Variants in TRIM33 observed in about 807,000 individuals in gnomAD.
TRIM33 encodes tripartite motif containing 33, also known as E3 ubiquitin-protein ligase TRIM33.
TRIM33 carries 20 observed loss-of-function variants against 125.4 expected under a neutral mutation model. The observed-to-expected ratio is 0.16, with a 90% CI of 0.11 to 0.23. The LOEUF (loss-of-function observed/expected upper bound fraction) is 0.23. Ranked by LOEUF, TRIM33 falls within the 10% of genes least tolerant of loss-of-function variation. The pLI, the probability that TRIM33 is intolerant of heterozygous loss-of-function variation, is 1.00. For synonymous variants in TRIM33, 564 were observed against 513.9 expected (o/e 1.10, Z -1.32); for missense variants, 920 against 1,411.4 (o/e 0.65, Z 5.58).
At position 114,509,280 on chromosome 1, in the gene TRIM33, C is replaced by A. The variant is rs373126149; in HGVS notation, c.526+1271G>T. On this transcript the variant is annotated intron_variant, in intron 1 of 19. Transcript: ENST00000358465. ...AGCTCCACAATCGCTTACCTACAGT[C>A]CCGAAATTCAAAAGCTTTGAAATTT... Among the ~76,000 whole-genome samples, 91 of 152,320 alleles carry A rather than the reference C, an allele frequency of 6.0e-4. 2 individuals carry two copies. In the South Asian group the frequency reaches 0.018, roughly 30 times the overall value.
chr1:114,419,373 T>C (rs1053649199), intron 11 of TRIM33, among the ~76,000 whole-genome samples: 4 of 152,210 alleles, frequency 2.6e-5, no homozygotes, highest in South Asian at 2.1e-4. Context: ...TCTCCGTGAA[T>C]TGATTTTGTT....
chr1:114,495,090 T>C (rs550947225), intron 1 of TRIM33, among the ~76,000 whole-genome samples: 1 of 152,146 alleles, frequency 6.6e-6, no homozygotes, highest in African/African-American at 2.4e-5. Flanking sequence ...ATTTTTGTAT[T>C]TTTAGGTAGA....
intron 1 of TRIM33, among the ~76,000 whole-genome samples, chr1:114,509,368 A>G (rs532957177): frequency 2.6e-5 from 4 of 152,318 alleles, no homozygotes; most frequent in South Asian, 4.1e-4. Context: ...TTTATCGTCT[A>G]TCCCATTAGC....
intron 5 of TRIM33, among the ~76,000 whole-genome samples, chr1:114,431,617 G>A (rs539166977): frequency 1.8e-4 from 27 of 152,254 alleles, no homozygotes; most frequent in South Asian, 1.0e-3. Flanking sequence ...AAATGTCAAC[G>A]ACCAACCATA....
chr1:114,401,453 C>T lies in TRIM33; in HGVS notation c.2903G>A (p.Arg968His). The T allele has an allele frequency of 6.2e-7, 1 of 1,611,770 alleles. No homozygotes were observed. The highest frequency in any genetic ancestry group is 8.5e-7 in the Non-Finnish European group (1 of 1,178,856). The change falls in exon 17 of 20, where the codon CGT becomes CAT. Residue 968 changes from arginine to histidine, a missense_variant. Around this residue, in one of 8 missense-constraint regions of TRIM33, gnomAD observed 122 missense variants for 236.8 expected, o/e 0.52. Transcript: ENST00000358465. ...LSPVDQRKCE[R>H]LLLYLYCHEL... ...ATGGCAATAGAGGTAAAGCAGAAGACGTTCACATTTCTGGCCCAAACAAGG... is the reference window on the plus strand; with the variant it reads ...ATGGCAATAGAGGTAAAGCAGAAGATGTTCACATTTCTGGCCCAAACAAGG...
At chr1:114,452,256 T>C (rs903961930) in intron 4 of TRIM33, among the ~76,000 whole-genome samples, 6 of 152,062 alleles carry the variant, frequency 3.9e-5, no homozygotes, top group Non-Finnish European at 8.8e-5. Flanking sequence ...GGTCGAGAGA[T>C]TGAGACCATC....
intron 11 of TRIM33, among the ~76,000 whole-genome samples, chr1:114,416,464 C>T (rs1306857341): frequency 6.6e-6 from 1 of 152,176 alleles, no homozygotes; most frequent in African/African-American, 2.4e-5. Context: ...ATACATCTGA[C>T]TTAGTATAAT....
At chr1:114,431,982 T>C (rs539294652) in intron 5 of TRIM33, among the ~76,000 whole-genome samples, 2 of 152,320 alleles carry the variant, frequency 1.3e-5, no homozygotes, top group East Asian at 1.9e-4. Context: ...GTCAGACTCC[T>C]ATTGGATTTA....
intron 11 of TRIM33, 43 bp from the exon 12 acceptor site, chr1:114,410,359 CAG>C: frequency 6.3e-7 from 1 of 1,581,756 alleles, no homozygotes; most frequent in Non-Finnish European, 8.6e-7. Context: ...TTGATTAAAG[CAG>C]AGAAGTTATT....
rs1651352553 is a variant in TRIM33, at chr1:114,392,854, A to T, written c.*4794T>A. Reference sequence around the variant, plus strand: ...TGTGGCTTTCAAACAAGGGTTTAAAACTAATCTAATACAACTTCTACAACA... The same window carrying T: ...TGTGGCTTTCAAACAAGGGTTTAAATCTAATCTAATACAACTTCTACAACA... On this transcript the variant is annotated 3_prime_UTR_variant, in exon 20 of 20. Transcript: ENST00000358465. 5.4e-6 allele frequency: 1 copy of T among 185,450 alleles called. No homozygotes were observed. Among genetic ancestry groups the T allele is most frequent in the South Asian group, 2.0e-4 (1 of 5,112 alleles). The allele number at this position is 185,450 out of a possible 1,614,324, so 11.5% of individuals were successfully genotyped here.
At chr1:114,464,028 C>CT (rs1183566091) in intron 2 of TRIM33, among the ~76,000 whole-genome samples, 2 of 152,092 alleles carry the variant, frequency 1.3e-5, no homozygotes, top group Non-Finnish European at 2.9e-5. Flanking sequence ...CTCAGCCTCC[C>CT]TAAGTGCTGC....
chr1:114,510,525 G>A, intron 1 of TRIM33, 26 bp downstream of exon 1: 2 of 1,451,988 alleles, frequency 1.4e-6, no homozygotes, highest in Non-Finnish European at 1.8e-6. Context: ...TTGCGGCCCA[G>A]ATGCCAGGCA....
chr1:114,404,070 T>C (rs1345829286), intron 15 of TRIM33, among the ~76,000 whole-genome samples: 3 of 152,224 alleles, frequency 2.0e-5, no homozygotes, highest in African/African-American at 7.2e-5. Context: ...TATAAACAGA[T>C]ACATGGAGAT....
chr1:114,446,591 G>A (rs1218504080), intron 4 of TRIM33, among the ~76,000 whole-genome samples: 1 of 151,942 alleles, frequency 6.6e-6, no homozygotes, highest in Non-Finnish European at 1.5e-5. Flanking sequence ...GCCAACAGTA[G>A]ATGTAAAATG....
chr1:114,428,362 A>G (rs1445583483), intron 6 of TRIM33, among the ~76,000 whole-genome samples: 1 of 152,246 alleles, frequency 6.6e-6, no homozygotes, highest in African/African-American at 2.4e-5. Context: ...GATAACTTCC[A>G]GAGTTCTAAG....
chr1:114,496,544 T>C (rs981878207), intron 1 of TRIM33, among the ~76,000 whole-genome samples: 2 of 152,196 alleles, frequency 1.3e-5, no homozygotes, highest in African/African-American at 2.4e-5. Flanking sequence ...TAACTTAGGT[T>C]GTTTAGGAAA....
chr1:114,466,224 TA>T (rs1650289441), intron 1 of TRIM33, among the ~76,000 whole-genome samples: 1 of 152,054 alleles, frequency 6.6e-6, no homozygotes, highest in Admixed American at 6.5e-5. Flanking sequence ...ACAAAGAAGA[TA>T]AGTATAAGTA....
intron 10 of TRIM33, among the ~76,000 whole-genome samples, chr1:114,422,826 C>T (rs1272906293): frequency 6.6e-6 from 1 of 152,124 alleles, no homozygotes; most frequent in East Asian, 1.9e-4. Flanking sequence ...ATCGTTTTCT[C>T]AGCCTATAAC....
intron 4 of TRIM33, among the ~76,000 whole-genome samples, chr1:114,462,075 C>A (rs1650034886): frequency 6.6e-6 from 1 of 152,094 alleles, no homozygotes; most frequent in African/African-American, 2.4e-5. Flanking sequence ...CTGGTACTAC[C>A]AATTACTATG....
Sources: allele counts gnomAD v4.1 joint callset (sites outside exome capture counted in the v4.1 genomes callset), GRCh38; gene constraint gnomAD v4.1.1; regional missense constraint gnomAD v4.1.1; transcripts MANE v1.5; gene names NCBI Gene and HGNC (gene_info 2026-07-23, HGNC 2026-07-21).